The following FAAH2 variants were observed in gnomAD, a reference collection of about 807,000 sequenced individuals.
The protein encoded by FAAH2 is fatty acid amide hydrolase 2.
A neutral mutation model predicts 36.9 loss-of-function variants in FAAH2; 60 were observed. The ratio of observed to expected loss-of-function variants is 1.63; its 90% CI spans 1.32 to 2.02. The LOEUF is 2.02. FAAH2 is among the 30% of genes most tolerant of loss of function. The pLI is 0.00. For synonymous variants in FAAH2, 214 were observed against 143.8 expected, an observed-to-expected ratio of 1.49 and a Z score of -3.49; for missense variants, 689 against 397.5, an observed-to-expected ratio of 1.73 and a Z score of -6.23.
the FAAH2 span, among the ~76,000 whole-genome samples, chrX:57,246,640 C>T: frequency 7.4e-4 from 83 of 111,850 alleles, no homozygotes; most frequent in African/African-American, 2.6e-3. Flanking sequence ...CTCAATAATA[C>T]TGGGTATATA....
chrX:57,466,233 ATGC>A (rs2057048530), intron 10 of FAAH2, among the ~76,000 whole-genome samples: 2 of 103,525 alleles, frequency 1.9e-5, no homozygotes, highest in Non-Finnish European at 3.9e-5. Flanking sequence ...GGATTAGAGA[ATGC>A]AGCTATTTTG....
At chrX:57,447,503 T>TG (rs35553892) in intron 9 of FAAH2, among the ~76,000 whole-genome samples, 41,597 of 111,077 alleles carry the variant, frequency 0.37, 6,485 homozygotes, top group Middle Eastern at 0.63. Flanking sequence ...GCCTTGTCCC[T>TG]CAGCACACCT....
chrX:57,357,617 A>C (rs1428662723), intron 5 of FAAH2, among the ~76,000 whole-genome samples: 1 of 112,248 alleles, frequency 8.9e-6, no homozygotes, highest in Non-Finnish European at 1.9e-5. Flanking sequence ...AGAGAAATGC[A>C]CATCAAAACC....
intron 5 of FAAH2, among the ~76,000 whole-genome samples, chrX:57,369,326 C>G (rs770393579): frequency 9.0e-6 from 1 of 111,094 alleles, no homozygotes; most frequent in South Asian, 3.8e-4. Context: ...AAAATAGTAG[C>G]TGAAAATTTC....
chrX:57,279,848 T>C, the FAAH2 span, among the ~76,000 whole-genome samples: 2 of 111,613 alleles, frequency 1.8e-5, no homozygotes, highest in Non-Finnish European at 3.8e-5. Flanking sequence ...TACTTCAAAA[T>C]AATGAGTCAC....
At chrX:57,239,230 G>A in the FAAH2 span, among the ~76,000 whole-genome samples, 1 of 110,893 alleles carries the variant, frequency 9.0e-6, no homozygotes, top group African/African-American at 3.3e-5. Context: ...TCTGGTCCAG[G>A]GCTCTTTCTG....
At chrX:57,423,275 C>G (rs2056081430) in intron 7 of FAAH2, among the ~76,000 whole-genome samples, 1 of 111,908 alleles carries the variant, frequency 8.9e-6, no homozygotes, top group Admixed American at 9.4e-5. Context: ...GATTTGCAAT[C>G]TAGTCTCATG....
chrX:57,266,613 G>C, the FAAH2 span, among the ~76,000 whole-genome samples: 1 of 112,443 alleles, frequency 8.9e-6, no homozygotes, highest in Non-Finnish European at 1.9e-5. Context: ...ACTGGTAGTT[G>C]ACCCAAGGAG....
At chrX:57,311,181 C>T (rs1367804364) in intron 3 of FAAH2, among the ~76,000 whole-genome samples, 1 of 111,663 alleles carries the variant, frequency 9.0e-6, no homozygotes, top group African/African-American at 3.2e-5. Context: ...TTTTAAATAA[C>T]CCATAAGTCA....
chrX:57,402,449 T>C (rs759452031), intron 7 of FAAH2, among the ~76,000 whole-genome samples: 1 of 111,870 alleles, frequency 8.9e-6, no homozygotes, highest in Admixed American at 9.4e-5. Flanking sequence ...CTGTTCCACC[T>C]GTTCCTCCTG....
At chrX:57,296,655 A>G (rs1435804791) in intron 2 of FAAH2, among the ~76,000 whole-genome samples, 1 of 111,758 alleles carries the variant, frequency 8.9e-6, no homozygotes, top group Non-Finnish European at 1.9e-5. Flanking sequence ...AAACTACTGC[A>G]AGCTAAAGGA....
chrX:57,371,208 T>C (rs2054541347), intron 5 of FAAH2, among the ~76,000 whole-genome samples: 1 of 111,766 alleles, frequency 8.9e-6, no homozygotes, highest in African/African-American at 3.3e-5. Flanking sequence ...CTAGTGAGCA[T>C]AGCTCCCAAT....
At chrX:57,377,609 G>A (rs188684469) in intron 5 of FAAH2, among the ~76,000 whole-genome samples, 1 of 111,778 alleles carries the variant, frequency 8.9e-6, no homozygotes, top group Non-Finnish European at 1.9e-5. Context: ...TTTTTGCTTT[G>A]GATTGTCTTG....
chrX:57,277,923 C>T, the FAAH2 span, among the ~76,000 whole-genome samples: 5 of 111,117 alleles, frequency 4.5e-5, no homozygotes, highest in Non-Finnish European at 7.6e-5. Context: ...GAAGTAAAAC[C>T]GGAGCAAAAC....
the FAAH2 span, among the ~76,000 whole-genome samples, chrX:57,245,135 A>G: frequency 8.9e-6 from 1 of 112,042 alleles, no homozygotes; most frequent in Non-Finnish European, 1.9e-5. Context: ...GAGACAAAGG[A>G]GGGCATTACA....
intron 5 of FAAH2, among the ~76,000 whole-genome samples, chrX:57,353,505 A>G (rs1331901807): frequency 1.8e-5 from 2 of 108,203 alleles, no homozygotes; most frequent in Admixed American, 1.0e-4. Context: ...AAAAAAGAAA[A>G]AAAAGAAAAC....
At position 57,446,673 on chromosome X, in the gene FAAH2, C is replaced by A. The variant is rs984409590; in HGVS notation, c.1117-255C>A. Among the ~76,000 whole-genome samples, 4 of 111,619 alleles carry A rather than the reference C, an allele frequency of 3.6e-5. 1 individual carries two copies. Among genetic ancestry groups the A allele is most frequent in the African/African-American group, 6.5e-5 (2 of 30,726 alleles). Reference sequence around the variant, plus strand: ...GATATTTCATGTGAATAGGCTCATACGTATGTGATGTCTTGTTACTGGCTT... The same window carrying A: ...GATATTTCATGTGAATAGGCTCATAAGTATGTGATGTCTTGTTACTGGCTT... On this transcript the variant is annotated intron_variant, in intron 8 of 10. Transcript: ENST00000374900.
At chrX:57,239,264 T>C in the FAAH2 span, among the ~76,000 whole-genome samples, 1 of 111,649 alleles carries the variant, frequency 9.0e-6, no homozygotes, top group Non-Finnish European at 1.9e-5. Context: ...TCATTATTGA[T>C]TTATTACTGA....
intron 7 of FAAH2, among the ~76,000 whole-genome samples, chrX:57,431,553 A>G (rs1196057086): frequency 2.7e-5 from 3 of 110,980 alleles, no homozygotes; most frequent in Non-Finnish European, 3.8e-5. Flanking sequence ...AGTTCCATTC[A>G]TATTCTTTCA....
Sources: gnomAD v4.1 joint callset for allele counts (sites outside exome capture counted in the v4.1 genomes callset) on GRCh38, gnomAD v4.1.1 for gene constraint, MANE v1.5 for transcripts, NCBI Gene and HGNC (gene_info 2026-07-23, HGNC 2026-07-21) for gene names.